Variants in NBEA observed in about 807,000 individuals in gnomAD.
The protein encoded by NBEA is neurobeachin.
In NBEA, 44 loss-of-function variants were observed where a neutral mutation model predicts 343.4. The observed-to-expected ratio is 0.13, with a 90% confidence interval of 0.10 to 0.16. NBEA has a LOEUF of 0.16. Among genes scored for constraint, NBEA ranks in the 10% least tolerant of loss-of-function variants. The pLI, the probability that NBEA is intolerant of heterozygous loss-of-function variation, is 1.00. For missense variants in NBEA, 2,555 were observed against 3,631.3 expected, an observed-to-expected ratio of 0.70 and a Z score of 7.62; for synonymous variants, 1,175 against 1,238.7, an observed-to-expected ratio of 0.95 and a Z score of 1.08.
Position 35,257,706 on chromosome 13 carries a change from A to G in NBEA, c.5776+25087A>G, listed in dbSNP as rs542088398. Among the ~76,000 whole-genome samples, 3 of 152,328 alleles carry G rather than the reference A, an allele frequency of 2.0e-5. No individual in the cohort carries two copies. The South Asian group carries it at 6.2e-4, about 32-fold the overall frequency. ...ACTATTTGAAAATCATTCTTAAAAA[A>G]ATTTATTTCCTGCTTTTTAAAATGT... On this transcript the variant is annotated intron_variant, in intron 34 of 58. Transcript: ENST00000379939.
At chr13:35,063,087 A>C (rs971300707) in intron 8 of NBEA, among the ~76,000 whole-genome samples, 1 of 151,998 alleles carries the variant, frequency 6.6e-6, no homozygotes, top group African/African-American at 2.4e-5. Context: ...CTTTCAAATG[A>C]AAGGTAACAA....
chr13:35,216,344 C>G (rs1378487802), intron 33 of NBEA, among the ~76,000 whole-genome samples: 1 of 151,914 alleles, frequency 6.6e-6, no homozygotes, highest in Non-Finnish European at 1.5e-5. Flanking sequence ...AATACAGCCA[C>G]ACTCATTTGC....
intron 33 of NBEA, 80 bp downstream of exon 33, chr13:35,211,259 A>G (rs996319959): frequency 2.3e-5 from 27 of 1,184,370 alleles, no homozygotes; most frequent in Admixed American, 5.6e-5. Context: ...AAATATAGAA[A>G]GAGTTCTTGA....
intron 41 of NBEA, among the ~76,000 whole-genome samples, chr13:35,483,322 G>C (rs978845573): frequency 2.0e-5 from 3 of 151,868 alleles, no homozygotes; most frequent in Admixed American, 1.3e-4. Context: ...TATTTGTAAT[G>C]TTTCTAGCTT....
intron 10 of NBEA, among the ~76,000 whole-genome samples, chr13:35,096,307 G>C (rs796741223): frequency 6.6e-6 from 1 of 150,750 alleles, no homozygotes; most frequent in Non-Finnish European, 1.5e-5. Flanking sequence ...TTGGTGTCCT[G>C]GTTAATATTG....
At chr13:35,060,862 C>T (rs2063443557) in intron 8 of NBEA, among the ~76,000 whole-genome samples, 1 of 151,430 alleles carries the variant, frequency 6.6e-6, no homozygotes. Context: ...GGGTAGAGGG[C>T]TACAGTGGAA....
chr13:35,352,125 T>G, intron 37 of NBEA, 32 bp from the exon 38 acceptor site: 2 of 1,329,700 alleles, frequency 1.5e-6, no homozygotes, highest in Non-Finnish European at 2.0e-6. Context: ...GTAAAAAGTT[T>G]ATTATTATGC....
chr13:35,184,887 C>A (rs1387727185), intron 30 of NBEA, among the ~76,000 whole-genome samples: 1 of 152,080 alleles, frequency 6.6e-6, no homozygotes, highest in Admixed American at 6.6e-5. Context: ...CAAGATTTTC[C>A]TGTGTACGCA....
rs943320798 is a variant in NBEA at position 35,586,107 on chromosome 13, T to C, written c.7176+2069T>C. Reference sequence around the variant, plus strand: ...AGATATACCTCAGACCACTCTATTGTATGGGGCTGATGTGTCCAAGAAACA... The same window carrying C: ...AGATATACCTCAGACCACTCTATTGCATGGGGCTGATGTGTCCAAGAAACA... On this transcript the variant is annotated intron_variant, in intron 46 of 58. Transcript: ENST00000379939. Among the ~76,000 whole-genome samples the C allele has an allele frequency of 5.9e-5, 9 of 152,166 alleles. 1 individual carries two copies. Among genetic ancestry groups the C allele is most frequent in the African/African-American group, 2.2e-4 (9 of 41,454 alleles).
intron 38 of NBEA, among the ~76,000 whole-genome samples, chr13:35,368,021 G>A (rs749155623): frequency 1.2e-4 from 18 of 151,484 alleles, no homozygotes; most frequent in South Asian, 4.1e-4. Context: ...TGTGTTATGG[G>A]CAGAGTTATG....
intron 30 of NBEA, among the ~76,000 whole-genome samples, chr13:35,191,055 G>A (rs981348642): frequency 1.3e-5 from 2 of 152,114 alleles, no homozygotes; most frequent in African/African-American, 2.4e-5. Context: ...AAAAGAATCA[G>A]CAACATGAAG....
At chr13:35,450,914 A>T (rs1199574887) in intron 39 of NBEA, among the ~76,000 whole-genome samples, 1 of 152,160 alleles carries the variant, frequency 6.6e-6, no homozygotes, top group Non-Finnish European at 1.5e-5. Context: ...ATTTGCTTTC[A>T]GTTCAGATAA....
At chr13:35,139,748 T>TTTTG (rs2067972662) in intron 17 of NBEA, among the ~76,000 whole-genome samples, 1 of 137,250 alleles carries the variant, frequency 7.3e-6, no homozygotes, top group Non-Finnish European at 1.5e-5. Flanking sequence ...GATGGCGTTT[T>TTTTG]TTTTTTTTTT....
At chr13:35,163,017 T>C (rs555001918) in intron 23 of NBEA, among the ~76,000 whole-genome samples, 9 of 152,262 alleles carry the variant, frequency 5.9e-5, no homozygotes, top group Admixed American at 1.3e-4. Context: ...TACCATGAAA[T>C]ACATTGCTAT....
At chr13:35,661,030 C>T (rs950228581) in intron 55 of NBEA, among the ~76,000 whole-genome samples, 1 of 152,186 alleles carries the variant, frequency 6.6e-6, no homozygotes, top group African/African-American at 2.4e-5. Flanking sequence ...CTCATTCTAA[C>T]ACCAGTAGAC....
intron 40 of NBEA, among the ~76,000 whole-genome samples, chr13:35,470,333 T>C (rs1243366620): frequency 6.6e-6 from 1 of 152,152 alleles, no homozygotes; most frequent in East Asian, 1.9e-4. Context: ...ATTTGTAATG[T>C]ATTTCAATAA....
chr13:34,997,807 G>A (rs1593409960), intron 1 of NBEA, among the ~76,000 whole-genome samples: 1 of 152,138 alleles, frequency 6.6e-6, no homozygotes, highest in African/African-American at 2.4e-5. Flanking sequence ...TTAGGTGCTT[G>A]TTTGTTGTAC....
chr13:35,064,499 T>A (rs2063578081), intron 8 of NBEA, among the ~76,000 whole-genome samples: 1 of 152,120 alleles, frequency 6.6e-6, no homozygotes, highest in Non-Finnish European at 1.5e-5. Flanking sequence ...ATTGTTATAA[T>A]TACTGAAAAT....
At chr13:35,281,530 A>AT (rs747868729) in intron 34 of NBEA, among the ~76,000 whole-genome samples, 8 of 152,060 alleles carry the variant, frequency 5.3e-5, no homozygotes, top group Non-Finnish European at 5.9e-5. Flanking sequence ...GCCTGAAACC[A>AT]TTTTTTTGGT....
Sources: gnomAD v4.1 joint callset for allele counts (sites outside exome capture counted in the v4.1 genomes callset) on GRCh38, gnomAD v4.1.1 for gene constraint, MANE v1.5 for transcripts, NCBI Gene and HGNC (gene_info 2026-07-23, HGNC 2026-07-21) for gene names.